ARHGAP6: variants seen among roughly 807,000 people sequenced by gnomAD.
The protein encoded by ARHGAP6 is Rho GTPase activating protein 6, also known as rho GTPase-activating protein 6.
ARHGAP6 carries 16 observed loss-of-function variants against 55.7 expected under a neutral mutation model. The observed-to-expected ratio is 0.29, with a 90% CI of 0.19 to 0.44. ARHGAP6 has a LOEUF of 0.44. Among genes scored for constraint, ARHGAP6 ranks in the 20% least tolerant of loss-of-function variants. The probability of loss-of-function intolerance (pLI) is 1.00; values close to 1 mark genes in which losing one functional copy is unlikely to be tolerated. For missense variants in ARHGAP6, 698 were observed against 808.9 expected (o/e 0.86, Z 1.66); for synonymous variants, 382 against 360.9 (o/e 1.06, Z -0.66).
At chrX:11,294,363 C>T (rs2048045928) in intron 1 of ARHGAP6, among the ~76,000 whole-genome samples, 1 of 112,239 alleles carries the variant, frequency 8.9e-6, no homozygotes, top group South Asian at 3.7e-4. Flanking sequence ...CATTTCTGTG[C>T]CTCCTTGTTC....
At chrX:11,625,172 G>A (rs2052280443) in intron 1 of ARHGAP6, among the ~76,000 whole-genome samples, 1 of 111,171 alleles carries the variant, frequency 9.0e-6, no homozygotes, top group Non-Finnish European at 1.9e-5. Context: ...ACATCCAAAA[G>A]AAAGAAAATG....
At chrX:11,354,325 C>CTATATATATA (rs1221987760) in intron 1 of ARHGAP6, among the ~76,000 whole-genome samples, 31 of 47,556 alleles carry the variant, frequency 6.5e-4, no homozygotes, top group Non-Finnish European at 8.8e-4. Context: ...CTCTCTCTCT[C>CTATATATATA]TCTATATATA....
intron 1 of ARHGAP6, among the ~76,000 whole-genome samples, chrX:11,594,109 T>C (rs904331705): frequency 9.0e-6 from 1 of 111,598 alleles, no homozygotes; most frequent in African/African-American, 3.3e-5. Flanking sequence ...CCCTTCATGA[T>C]ATCCCAGGCC....
At chrX:11,652,380 G>C (rs1180931707) in intron 1 of ARHGAP6, among the ~76,000 whole-genome samples, 1 of 111,972 alleles carries the variant, frequency 8.9e-6, no homozygotes, top group East Asian at 2.8e-4. Flanking sequence ...TTACTGAATA[G>C]GGAATCCTTC....
At chrX:11,365,963 G>T (rs2049071570) in intron 1 of ARHGAP6, among the ~76,000 whole-genome samples, 1 of 112,218 alleles carries the variant, frequency 8.9e-6, no homozygotes, top group Non-Finnish European at 1.9e-5. Context: ...CTCCTGGCTT[G>T]CAGACAGCCA....
chrX:11,279,240 A>AT (rs1175751200), intron 1 of ARHGAP6, among the ~76,000 whole-genome samples: 1 of 111,946 alleles, frequency 8.9e-6, no homozygotes, highest in Non-Finnish European at 1.9e-5. Context: ...TAACAGATAA[A>AT]TTTTTCTACT....
intron 1 of ARHGAP6, among the ~76,000 whole-genome samples, chrX:11,517,126 G>T (rs767333458): frequency 8.9e-6 from 1 of 112,073 alleles, no homozygotes; most frequent in Non-Finnish European, 1.9e-5. Flanking sequence ...GACTGAGGCT[G>T]GCTAATGTAG....
intron 1 of ARHGAP6, among the ~76,000 whole-genome samples, chrX:11,579,562 C>A (rs1183415955): frequency 8.9e-6 from 1 of 112,024 alleles, no homozygotes; most frequent in Non-Finnish European, 1.9e-5. Context: ...TATCAATAAA[C>A]CAATTTCCCA....
intron 1 of ARHGAP6, among the ~76,000 whole-genome samples, chrX:11,372,009 T>C (rs1056295864): frequency 8.9e-6 from 1 of 112,188 alleles, no homozygotes; most frequent in African/African-American, 3.2e-5. Flanking sequence ...GAGAAGAGGG[T>C]TATTTCTGTG....
intron 8 of ARHGAP6, among the ~76,000 whole-genome samples, chrX:11,174,847 C>T (rs1250854108): frequency 2.9e-5 from 3 of 104,254 alleles, no homozygotes; most frequent in Non-Finnish European, 3.9e-5. Flanking sequence ...ACCACCACGC[C>T]CGGCTAATTT....
intron 1 of ARHGAP6, among the ~76,000 whole-genome samples, chrX:11,518,723 C>T (rs1388325831): frequency 5.9e-5 from 6 of 101,298 alleles, no homozygotes; most frequent in South Asian, 4.8e-4. Context: ...CATGCTGGTG[C>T]GCTGCACCCA....
chrX:11,516,814 G>C, intron 1 of ARHGAP6, among the ~76,000 whole-genome samples: 1 of 111,436 alleles, frequency 9.0e-6, no homozygotes, highest in African/African-American at 3.3e-5. Flanking sequence ...AAATCTAAAG[G>C]CTGTGCTAAC....
At chrX:11,544,645 G>A (rs1041755428) in intron 1 of ARHGAP6, among the ~76,000 whole-genome samples, 1 of 111,603 alleles carries the variant, frequency 9.0e-6, no homozygotes, top group Non-Finnish European at 1.9e-5. Context: ...TTCAAGCAAG[G>A]GTCAATCTCA....
chrX:11,575,244 C>G (rs2051582274), intron 1 of ARHGAP6, among the ~76,000 whole-genome samples: 1 of 112,024 alleles, frequency 8.9e-6, no homozygotes, highest in Admixed American at 9.5e-5. Flanking sequence ...TGCCACAAGA[C>G]AGAAGAAGCC....
At chrX:11,453,645 A>C (rs2147810104) in intron 1 of ARHGAP6, among the ~76,000 whole-genome samples, 1 of 111,381 alleles carries the variant, frequency 9.0e-6, no homozygotes, top group Admixed American at 9.7e-5. Flanking sequence ...GACTCTTCTA[A>C]AACTAAGCCA....
intron 1 of ARHGAP6, among the ~76,000 whole-genome samples, chrX:11,634,890 A>C (rs1014384505): frequency 1.8e-5 from 2 of 112,060 alleles, no homozygotes; most frequent in African/African-American, 6.5e-5. Context: ...ACTTTCACAA[A>C]GCCATGATCA....
intron 1 of ARHGAP6, among the ~76,000 whole-genome samples, chrX:11,373,707 G>A (rs1359376147): frequency 8.9e-6 from 1 of 112,049 alleles, no homozygotes. Flanking sequence ...TTGAACAAGT[G>A]TGAACTCCTA....
At chrX:11,645,152 G>T (rs964152766) in intron 1 of ARHGAP6, among the ~76,000 whole-genome samples, 4 of 111,482 alleles carry the variant, frequency 3.6e-5, no homozygotes, top group Non-Finnish European at 7.6e-5. Flanking sequence ...TAGTGATGGA[G>T]AACAGATCAG....
chrX:11,219,458 G>A (rs1425704408), intron 2 of ARHGAP6, among the ~76,000 whole-genome samples: 1 of 98,607 alleles, frequency 1.0e-5, no homozygotes, highest in Non-Finnish European at 2.1e-5. Context: ...CTGAGGAATC[G>A]CCACACTGAC....
Sources: allele counts gnomAD v4.1 joint callset (sites outside exome capture counted in the v4.1 genomes callset), GRCh38; gene constraint gnomAD v4.1.1; transcripts MANE v1.5; gene names NCBI Gene and HGNC (gene_info 2026-07-23, HGNC 2026-07-21).